Variants in SEMA3D observed in about 807,000 individuals in gnomAD.
SEMA3D encodes the protein semaphorin-3D.
Under a neutral mutation model 100.1 loss-of-function variants are expected in SEMA3D, and 84 were observed. The ratio of observed to expected loss-of-function variants is 0.84; its 90% CI spans 0.70 to 1.01. The LOEUF (loss-of-function observed/expected upper bound fraction) is 1.01. Ranked by LOEUF, SEMA3D falls within the 50% of genes least tolerant of loss-of-function variation. The pLI, the probability that SEMA3D is intolerant of heterozygous loss-of-function variation, is 0.00. For synonymous variants in SEMA3D, 312 were observed against 320.7 expected (o/e 0.97, Z 0.29); for missense variants, 875 against 934.1 (o/e 0.94, Z 0.82).
At chr7:85,090,282 C>T (rs544399606) in intron 4 of SEMA3D, among the ~76,000 whole-genome samples, 15 of 152,256 alleles carry the variant, frequency 9.9e-5, no homozygotes, top group Admixed American at 1.3e-4. Flanking sequence ...GAGGTCTGAG[C>T]AGTCTGACAA....
chr7:85,071,653 T>C (rs1791777684), intron 6 of SEMA3D, among the ~76,000 whole-genome samples: 1 of 152,192 alleles, frequency 6.6e-6, no homozygotes, highest in African/African-American at 2.4e-5. Context: ...CTAGGGTATA[T>C]GGCATAGCCT....
At chr7:85,226,789 G>A in the SEMA3D span, among the ~76,000 whole-genome samples, 117 of 152,192 alleles carry the variant, frequency 7.7e-4, 1 homozygote, top group South Asian at 8.5e-3. Flanking sequence ...AACACAGCCT[G>A]CTTTATGGAA....
chr7:85,225,379 T>C, the SEMA3D span, among the ~76,000 whole-genome samples: 1 of 150,918 alleles, frequency 6.6e-6, no homozygotes, highest in East Asian at 2.0e-4. Flanking sequence ...TTAGGTGATA[T>C]GGGGCACAGT....
chr7:85,018,426 C>T (rs1250762583), intron 14 of SEMA3D, 133 bp from the exon 15 acceptor site: 3 of 619,118 alleles, frequency 4.8e-6, no homozygotes, highest in Non-Finnish European at 8.6e-6. Flanking sequence ...AAATAAAGTT[C>T]TTATTGTTTG....
intron 12 of SEMA3D, chr7:85,028,666 C>A (rs950011669): frequency 1.5e-5 from 3 of 202,590 alleles, no homozygotes; most frequent in Non-Finnish European, 3.0e-5. Context: ...GCACTGAAAC[C>A]AGTACTGAGG....
At chr7:85,156,186 T>C (rs1790591803) in intron 1 of SEMA3D, among the ~76,000 whole-genome samples, 1 of 149,932 alleles carries the variant, frequency 6.7e-6, no homozygotes, top group Non-Finnish European at 1.5e-5. Flanking sequence ...CACTGCAACC[T>C]CCACCTCCTG....
chr7:85,021,700 A>T (rs374713103), intron 13 of SEMA3D, among the ~76,000 whole-genome samples: 34 of 151,806 alleles, frequency 2.2e-4, no homozygotes, highest in African/African-American at 7.7e-4. Context: ...ATATAATATG[A>T]TATGGAATAC....
At chr7:85,025,811 T>C (rs1355660557) in intron 12 of SEMA3D, among the ~76,000 whole-genome samples, 1 of 152,030 alleles carries the variant, frequency 6.6e-6, no homozygotes, top group Admixed American at 6.6e-5. Context: ...GGAAAGACCC[T>C]GTATTAAATA....
chr7:85,012,664 A>C, intron 17 of SEMA3D, 118 bp downstream of exon 17: 1 of 712,712 alleles, frequency 1.4e-6, no homozygotes, highest in Non-Finnish European at 2.4e-6. Flanking sequence ...GAACACATGC[A>C]TTACACAAAA....
At chr7:85,174,513 T>G (rs1791174389) in intron 1 of SEMA3D, among the ~76,000 whole-genome samples, 1 of 152,130 alleles carries the variant, frequency 6.6e-6, no homozygotes, top group Admixed American at 6.6e-5. Context: ...TTCAGTCAAG[T>G]ATTAGAAACT....
At chr7:85,021,211 C>T (rs894098534) in intron 13 of SEMA3D, among the ~76,000 whole-genome samples, 1 of 151,652 alleles carries the variant, frequency 6.6e-6, no homozygotes, top group Non-Finnish European at 1.5e-5. Flanking sequence ...ATTAAATGTA[C>T]ATTTTTCCAA....
intron 1 of SEMA3D, chr7:85,167,471 T>C: frequency 3.0e-6 from 2 of 669,292 alleles, no homozygotes; most frequent in Non-Finnish European, 3.7e-6. Context: ...GGACGTCTAT[T>C]TGTGGTAGAT....
chr7:85,023,105 T>C (rs987176471), intron 12 of SEMA3D, among the ~76,000 whole-genome samples: 4 of 151,952 alleles, frequency 2.6e-5, no homozygotes, highest in African/African-American at 7.2e-5. Flanking sequence ...ATTGTAATTA[T>C]GTAGTTTCTT....
rs1788752669 is a variant in SEMA3D, at chr7:85,101,787, C to T, written c.152-3822G>A. 2.6e-5 allele frequency among the ~76,000 whole-genome samples: 4 copies of T among 151,802 alleles called. No homozygotes were observed. The South Asian group carries it at 8.3e-4, about 31-fold the overall frequency. ...TTTATATAAAGTTCTTAGAACCATG[C>T]TTGGTAGATAGGAAAAGTCAATAAA... On this transcript the variant is annotated intron_variant, in intron 3 of 18. Coordinates refer to ENST00000284136, the MANE Select transcript of SEMA3D (RefSeq NM_001384900.1).
intron 8 of SEMA3D, among the ~76,000 whole-genome samples, chr7:85,060,040 C>T (rs1791430677): frequency 6.6e-6 from 1 of 152,050 alleles, no homozygotes; most frequent in Non-Finnish European, 1.5e-5. Context: ...GATATTTTTC[C>T]AAGTGATATT....
intron 9 of SEMA3D, chr7:85,050,774 T>C: frequency 5.9e-6 from 3 of 506,828 alleles, no homozygotes; most frequent in Non-Finnish European, 1.0e-5. Context: ...AAAATAATAA[T>C]GTAACTTCAG....
In SEMA3D at chr7:85,128,255, C is replaced by T. The variant is rs1456616029; in HGVS notation, c.-40-6324G>A. Among the ~76,000 whole-genome samples the T allele has an allele frequency of 3.3e-5, 5 of 152,114 alleles. No homozygotes were observed. The East Asian group carries it at 7.8e-4, about 24-fold the overall frequency. On this transcript the variant is annotated intron_variant, in intron 2 of 18. Transcript: ENST00000284136. Reference sequence around the variant, plus strand: ...CAATATCTGCTCACTGCAAGTTCCACATCTCTGGTTCAAGTGATTCTCCTG... The same window carrying T: ...CAATATCTGCTCACTGCAAGTTCCATATCTCTGGTTCAAGTGATTCTCCTG...
chr7:85,154,986 TCTC>T (rs1790545879), intron 1 of SEMA3D, among the ~76,000 whole-genome samples: 3 of 152,182 alleles, frequency 2.0e-5, no homozygotes, highest in Admixed American at 2.0e-4. Flanking sequence ...ATTACTGTCA[TCTC>T]CACAGTTTTT....
the SEMA3D span, among the ~76,000 whole-genome samples, chr7:85,206,402 T>C: frequency 6.6e-6 from 1 of 152,138 alleles, no homozygotes; most frequent in Non-Finnish European, 1.5e-5. Context: ...CAATTTTCTT[T>C]CAGGACAATC....
Sources: gnomAD v4.1 joint callset for allele counts (sites outside exome capture counted in the v4.1 genomes callset) on GRCh38, gnomAD v4.1.1 for gene constraint, MANE v1.5 for transcripts, NCBI Gene and HGNC (gene_info 2026-07-23, HGNC 2026-07-21) for gene names.